GALNT11: variants seen among roughly 807,000 people sequenced by gnomAD.
The protein encoded by GALNT11 is UDP-GalNAc:polypeptide N-acetylgalactosaminyltransferase 11.
GALNT11 carries 47 observed loss-of-function variants against 72.7 expected under a neutral mutation model. The observed-to-expected ratio is 0.65, with a 90% CI of 0.51 to 0.82. The LOEUF (loss-of-function observed/expected upper bound fraction) is 0.82, where lower values mean the gene tolerates loss of function less well. Ranked by LOEUF, GALNT11 falls within the 40% of genes least tolerant of loss-of-function variation. The pLI, the probability that GALNT11 is intolerant of heterozygous loss-of-function variation, is 0.00. For synonymous variants in GALNT11, 270 were observed against 286.6 expected, an observed-to-expected ratio of 0.94 and a Z score of 0.58; for missense variants, 677 against 778.4, an observed-to-expected ratio of 0.87 and a Z score of 1.55.
chr7:152,029,489 CTGT>C (rs1333242468), intron 1 of GALNT11, among the ~76,000 whole-genome samples: 1 of 152,218 alleles, frequency 6.6e-6, no homozygotes, highest in Non-Finnish European at 1.5e-5. Flanking sequence ...TATGTTTACA[CTGT>C]TAACTTTTAG....
intron 1 of GALNT11, among the ~76,000 whole-genome samples, chr7:152,081,891 G>T (rs2085346022): frequency 6.6e-6 from 1 of 152,098 alleles, no homozygotes; most frequent in South Asian, 2.1e-4. Context: ...ATAATTTACA[G>T]ATTAATCTGT....
intron 1 of GALNT11, among the ~76,000 whole-genome samples, chr7:152,038,592 A>G (rs889984118): frequency 1.3e-5 from 2 of 152,208 alleles, no homozygotes; most frequent in Non-Finnish European, 2.9e-5. Context: ...GTTTATGGCC[A>G]GATTTTGGGG....
At chr7:152,047,683 A>G (rs1461790748) in intron 1 of GALNT11, among the ~76,000 whole-genome samples, 1 of 147,072 alleles carries the variant, frequency 6.8e-6, no homozygotes, top group African/African-American at 2.7e-5. Context: ...GTCAACAGTG[A>G]CACCGTGTGT....
intron 1 of GALNT11, among the ~76,000 whole-genome samples, chr7:152,086,693 T>C (rs368742960): frequency 6.6e-5 from 10 of 152,212 alleles, no homozygotes; most frequent in African/African-American, 2.4e-4. Context: ...TGCCCTTAGG[T>C]GCTGGCAGGT....
chr7:152,033,628 G>A (rs1413686375), intron 1 of GALNT11, among the ~76,000 whole-genome samples: 1 of 152,202 alleles, frequency 6.6e-6, no homozygotes, highest in African/African-American at 2.4e-5. Context: ...GAAGGCAGAA[G>A]GATTTTCTTC....
chr7:152,061,132 C>T (rs1178494811), intron 1 of GALNT11, among the ~76,000 whole-genome samples: 1 of 152,096 alleles, frequency 6.6e-6, no homozygotes, highest in African/African-American at 2.4e-5. Flanking sequence ...CTCTCCAGCA[C>T]CTGTTGTTTC....
chr7:152,116,709 A>C (rs183740955), intron 8 of GALNT11, among the ~76,000 whole-genome samples: 21 of 152,358 alleles, frequency 1.4e-4, no homozygotes, highest in African/African-American at 3.8e-4. Context: ...AACACACTGC[A>C]ACAGGCTAAA....
At chr7:152,067,993 C>G (rs575702384) in intron 1 of GALNT11, among the ~76,000 whole-genome samples, 1 of 152,072 alleles carries the variant, frequency 6.6e-6, no homozygotes, top group South Asian at 2.1e-4. Flanking sequence ...TTTAAATGAC[C>G]AGATCTTGCA....
chr7:152,103,891 T>A (rs886585367), intron 4 of GALNT11: 3 of 152,978 alleles, frequency 2.0e-5, no homozygotes, highest in African/African-American at 7.2e-5. Context: ...TGGGCTTTTT[T>A]CATTTGGCAT....
intron 1 of GALNT11, among the ~76,000 whole-genome samples, chr7:152,068,157 G>A (rs2084423205): frequency 6.6e-6 from 1 of 151,944 alleles, no homozygotes; most frequent in Non-Finnish European, 1.5e-5. Flanking sequence ...AAATTCCCCT[G>A]TGCTTCATAT....
intron 8 of GALNT11, 56 bp from the exon 9 acceptor site, chr7:152,117,101 A>G: frequency 6.9e-7 from 1 of 1,452,034 alleles, no homozygotes; most frequent in South Asian, 1.3e-5. Context: ...ATATAGTTGT[A>G]TCATCATTTT....
At chr7:152,105,197 T>TTA (rs2087401327) in intron 4 of GALNT11, 48 bp from the exon 5 acceptor site, 1 of 1,573,050 alleles carries the variant, frequency 6.4e-7, no homozygotes, top group Admixed American at 1.9e-5. Flanking sequence ...TAAAGTGTCT[T>TTA]TATATATGTC....
chr7:152,042,443 A>G (rs188579071), intron 1 of GALNT11, among the ~76,000 whole-genome samples: 9 of 152,308 alleles, frequency 5.9e-5, no homozygotes, highest in Non-Finnish European at 8.8e-5. Context: ...ATTGTTGAGT[A>G]ATTAAGTCTT....
intron 9 of GALNT11, 49 bp downstream of exon 9, chr7:152,117,424 A>G (rs1257430431): frequency 1.9e-6 from 3 of 1,586,498 alleles, no homozygotes; most frequent in East Asian, 2.2e-5. Context: ...GTTTGATATG[A>G]AAAGTTTTGA....
chr7:152,109,646 G>A (rs369132371), intron 6 of GALNT11, among the ~76,000 whole-genome samples: 7 of 152,044 alleles, frequency 4.6e-5, no homozygotes, highest in African/African-American at 1.7e-4. Context: ...GTTTTCATGT[G>A]ATTTTATCTT....
intron 1 of GALNT11, among the ~76,000 whole-genome samples, chr7:152,069,744 CA>C (rs2084516623): frequency 6.6e-6 from 1 of 152,144 alleles, no homozygotes; most frequent in African/African-American, 2.4e-5. Flanking sequence ...TTTGTAATGT[CA>C]GCATGATATA....
chr7:152,038,165 C>T (rs568425378), intron 1 of GALNT11, among the ~76,000 whole-genome samples: 111 of 152,212 alleles, frequency 7.3e-4, no homozygotes, highest in African/African-American at 2.4e-3. Flanking sequence ...CCTTACCCAG[C>T]GGCGCTAGAG....
At chr7:152,101,029 A>T (rs2086836937) in intron 3 of GALNT11, 108 bp downstream of exon 3, 1 of 1,414,202 alleles carries the variant, frequency 7.1e-7, no homozygotes. Flanking sequence ...CAGCGTCTTT[A>T]TTCAGCATAC....
Position 152,105,359 on chromosome 7 carries a change from C to T in GALNT11, c.701C>T (p.Ala234Val), listed in dbSNP as rs376217268. ...ATTCGAGGGAGAATGATTGGCGCGG[C>T]CCACGCGACAGGTATCACTTCTCGT... ...GLIRGRMIGA[A>V]HATGEVLVFL... The change falls in exon 5 of 12, where the codon GCC (alanine) becomes GTC (valine). Residue 234 changes from alanine (A) to valine (V), a missense_variant. Coordinates refer to ENST00000430044, the MANE Select transcript of GALNT11 (RefSeq NM_022087.4). 10 of 1,612,822 alleles carry T rather than the reference C, an allele frequency of 6.2e-6. No homozygotes were observed. In the African/African-American group the frequency reaches 1.3e-4, roughly 22 times the overall value.
Sources: allele counts gnomAD v4.1 joint callset (sites outside exome capture counted in the v4.1 genomes callset), GRCh38; gene constraint gnomAD v4.1.1; transcripts MANE v1.5; gene names NCBI Gene and HGNC (gene_info 2026-07-23, HGNC 2026-07-21).